Variants in CAST observed in about 807,000 individuals in gnomAD.
The protein encoded by CAST is MIR583 host.
A neutral mutation model predicts 119.6 loss-of-function variants in CAST; 76 were observed. That is an observed-to-expected ratio of 0.64 (90% confidence interval 0.53 to 0.77). The LOEUF (loss-of-function observed/expected upper bound fraction) is 0.77, where lower values mean the gene tolerates loss of function less well. CAST is among the 30% of genes least tolerant of loss of function. The pLI is 0.00. For missense variants in CAST, 953 were observed against 946.5 expected (o/e 1.01, Z -0.09); for synonymous variants, 319 against 331.6 (o/e 0.96, Z 0.41).
the CAST span, among the ~76,000 whole-genome samples, chr5:96,463,352 G>C: frequency 0.49 from 74,974 of 151,832 alleles, 19,483 homozygotes; most frequent in African/African-American, 0.66. Context: ...AATCCTGTGT[G>C]TTGGTTGTTT....
chr5:96,623,583 C>T (rs1008791241), intron 1 of CAST, among the ~76,000 whole-genome samples: 1 of 152,178 alleles, frequency 6.6e-6, no homozygotes, highest in African/African-American at 2.4e-5. Context: ...CAATCCCAGA[C>T]CCTTTGTTCC....
At chr5:96,601,790 A>T (rs939788239) in intron 1 of CAST, among the ~76,000 whole-genome samples, 2 of 152,212 alleles carry the variant, frequency 1.3e-5, no homozygotes, top group African/African-American at 4.8e-5. Context: ...AATTCTTTTC[A>T]TCCTGTCAAA....
In CAST at chr5:96,675,528, C is replaced by T. The variant is rs1750596362; in HGVS notation, c.76-11C>T. The stretch of plus-strand genomic sequence containing the variant: ...TTCCTTTATTAAGCATTATTTTTTA[C>T]TTTTTTATAGCATGTCAGTGAAAAA... On this transcript the variant is annotated splice_polypyrimidine_tract_variant and intron_variant, in intron 1 of 31. Coordinates refer to ENST00000675179, the MANE Select transcript of CAST (RefSeq NM_001750.7). 1.2e-6 allele frequency: 2 copies of T among 1,603,382 alleles called. No individual in the cohort carries two copies. Among genetic ancestry groups the T allele is most frequent in the Non-Finnish European group, 1.7e-6 (2 of 1,171,258 alleles).
chr5:96,203,138 A>T, the CAST span, among the ~76,000 whole-genome samples: 1 of 151,750 alleles, frequency 6.6e-6, no homozygotes, highest in African/African-American at 2.4e-5. Context: ...AGATCACATT[A>T]TGCACAACCT....
chr5:96,598,836 C>T (rs929145854), intron 1 of CAST, among the ~76,000 whole-genome samples: 1 of 152,136 alleles, frequency 6.6e-6, no homozygotes, highest in African/African-American at 2.4e-5. Context: ...CCCTCTAGTA[C>T]GAGAGGACTC....
chr5:96,761,983 TAAATGTAC>T (rs1332914988), intron 24 of CAST: 34 of 223,434 alleles, frequency 1.5e-4, no homozygotes, highest in African/African-American at 7.7e-4. Context: ...TTGAATAACC[TAAATGTAC>T]AACAGGAAAT....
At chr5:96,403,090 G>A in the CAST span, among the ~76,000 whole-genome samples, 2 of 152,230 alleles carry the variant, frequency 1.3e-5, no homozygotes, top group Admixed American at 1.3e-4. Flanking sequence ...GAGGCTTAAG[G>A]CAAGGTGCTG....
chr5:96,541,926 G>T (rs183720936), intron 1 of CAST, among the ~76,000 whole-genome samples: 3 of 152,324 alleles, frequency 2.0e-5, no homozygotes, highest in Admixed American at 6.5e-5. Flanking sequence ...TGGCTATGAA[G>T]ATTCATGTGC....
At chr5:96,012,077 A>G in the CAST span, among the ~76,000 whole-genome samples, 83 of 152,144 alleles carry the variant, frequency 5.5e-4, no homozygotes, top group Non-Finnish European at 1.1e-3. Context: ...AAAAAATTCA[A>G]AATAATAATG....
the CAST span, among the ~76,000 whole-genome samples, chr5:96,503,982 G>C: frequency 6.6e-6 from 1 of 152,350 alleles, no homozygotes; most frequent in African/African-American, 2.4e-5. Flanking sequence ...CCCACAGAGA[G>C]AGAAGTGACT....
intron 31 of CAST, 43 bp downstream of exon 31, chr5:96,771,745 C>T (rs1422826006): frequency 3.2e-6 from 4 of 1,249,102 alleles, no homozygotes; most frequent in Non-Finnish European, 4.7e-6. Context: ...ACTGTATCTT[C>T]TGCCAATTTA....
the CAST span, among the ~76,000 whole-genome samples, chr5:96,280,630 C>T: frequency 6.6e-6 from 1 of 152,284 alleles, no homozygotes; most frequent in East Asian, 1.9e-4. Flanking sequence ...AAAATGGTAA[C>T]ACTAGTTACT....
the CAST span, among the ~76,000 whole-genome samples, chr5:96,004,935 G>A: frequency 6.6e-6 from 1 of 152,130 alleles, no homozygotes; most frequent in East Asian, 1.9e-4. Context: ...AGCCTCCAGA[G>A]AGATCAGGTT....
the CAST span, among the ~76,000 whole-genome samples, chr5:96,336,585 G>C: frequency 6.6e-6 from 1 of 152,220 alleles, no homozygotes; most frequent in Non-Finnish European, 1.5e-5. Flanking sequence ...CTGCCCTCTA[G>C]AGGTTCCCAT....
the CAST span, among the ~76,000 whole-genome samples, chr5:96,048,511 C>CAAT: frequency 6.6e-6 from 1 of 151,994 alleles, no homozygotes; most frequent in Non-Finnish European, 1.5e-5. Flanking sequence ...AAAATAATGG[C>CAAT]AATAATAATA....
At chr5:96,462,858 C>T in the CAST span, among the ~76,000 whole-genome samples, 5 of 152,050 alleles carry the variant, frequency 3.3e-5, no homozygotes, top group African/African-American at 9.7e-5. Context: ...AAGTGTTCGG[C>T]GGTTCCTCCA....
At chr5:96,770,438 C>A in intron 29 of CAST, 93 bp from the exon 30 acceptor site, 3 of 763,530 alleles carry the variant, frequency 3.9e-6, no homozygotes, top group Non-Finnish European at 4.6e-6. Flanking sequence ...AATTGGAGAT[C>A]TCAGAATGGT....
In CAST at chr5:96,765,327, T is replaced by TAAAAAAAAAAAAAAAAAA; in HGVS notation, c.2037+11_2037+28dup. ...AAACCAATGGAAGATAAAGTAAAGG[T>TAAAAAAAAAAAAAAAAAA]AAAAAAAAAAAAAAAAAAAAAAAAA... On this transcript the variant is annotated splice_region_variant and intron_variant, in intron 26 of 31. Transcript: ENST00000675179. 2.2e-6 allele frequency: 1 copy of TAAAAAAAAAAAAAAAAAA among 457,942 alleles called. No individual in the cohort carries two copies. Among genetic ancestry groups the TAAAAAAAAAAAAAAAAAA allele is most frequent in the South Asian group, 3.3e-5 (1 of 29,916 alleles). 28.4% of individuals were successfully genotyped at this position (457,942 alleles called of 1,614,324 possible).
the CAST span, among the ~76,000 whole-genome samples, chr5:96,346,762 C>G: frequency 6.6e-6 from 1 of 152,094 alleles, no homozygotes; most frequent in Non-Finnish European, 1.5e-5. Flanking sequence ...TCCATACTCA[C>G]GCACCTGTTC....
Sources: allele counts gnomAD v4.1 joint callset (sites outside exome capture counted in the v4.1 genomes callset), GRCh38; gene constraint gnomAD v4.1.1; transcripts MANE v1.5; gene names NCBI Gene and HGNC (gene_info 2026-07-23, HGNC 2026-07-21).